APBA1: variants seen among roughly 807,000 people sequenced by gnomAD.
APBA1 encodes the protein amyloid-beta A4 precursor protein-binding family A member 1.
In APBA1, 55 loss-of-function variants were observed where a neutral mutation model predicts 86.6. That is an observed-to-expected ratio of 0.64 (90% CI 0.51 to 0.80). APBA1 has a LOEUF of 0.80. Ranked by LOEUF, APBA1 falls within the 30% of genes least tolerant of loss-of-function variation. The pLI is 0.00. For synonymous variants in APBA1, 511 were observed against 493.9 expected (o/e 1.03, Z -0.46); for missense variants, 1,090 against 1,183.0 (o/e 0.92, Z 1.15).
chr9:69,476,188 G>A lies in APBA1; in HGVS notation c.1201-45C>T, dbSNP rs2777862. The A allele has an allele frequency of 1.6e-5, 23 of 1,435,458 alleles. 1 individual carries two copies. The highest frequency in any genetic ancestry group is 7.1e-5 in the African/African-American group (5 of 70,836). 88.9% of individuals were successfully genotyped at this position (1,435,458 alleles called of 1,614,324 possible). A position where few individuals can be genotyped will look rare whatever the true frequency, so the allele number is the denominator to read the frequency against. Reference sequence around the variant, plus strand: ...AACACAGTGAGAACTTGAGAGACTCGGCAGACACTTGGCTGGGGGAAAGGG... The same window carrying A: ...AACACAGTGAGAACTTGAGAGACTCAGCAGACACTTGGCTGGGGGAAAGGG... On this transcript the variant is annotated intron_variant, in intron 2 of 12. Transcript: ENST00000265381.
Position 69,586,812 on chromosome 9 carries a change from C to T in APBA1, c.-69-69533G>A, listed in dbSNP as rs138725080. On this transcript the variant is annotated intron_variant, in intron 1 of 12. Coordinates refer to ENST00000265381, the MANE Select transcript of APBA1 (RefSeq NM_001163.4). Reference sequence around the variant, plus strand: ...TAAGGGAAGACCTGGCTGCCCATTACAACTAACAACCCCAAATAAGTACTT... The same window carrying T: ...TAAGGGAAGACCTGGCTGCCCATTATAACTAACAACCCCAAATAAGTACTT... Among the ~76,000 whole-genome samples, 41 of 152,294 alleles carry T rather than the reference C, an allele frequency of 2.7e-4. No homozygotes were observed. The East Asian group carries it at 6.9e-3, about 26-fold the overall frequency.
Position 69,431,061 on chromosome 9 carries a change from G to A in APBA1, c.*266C>T, listed in dbSNP as rs760556742. The A allele has an allele frequency of 1.0e-4, 38 of 363,348 alleles. No homozygotes were observed. Among genetic ancestry groups the A allele is most frequent in the Middle Eastern group, 7.0e-4 (1 of 1,436 alleles). The allele number at this position is 363,348 out of a possible 1,614,324, so 22.5% of individuals were successfully genotyped here. A position where few individuals can be genotyped will look rare whatever the true frequency, so the allele number is the denominator to read the frequency against. On this transcript the variant is annotated 3_prime_UTR_variant, in exon 13 of 13. Transcript: ENST00000265381. ...CTGGACACACCCAGAAAGCCCTCCA[G>A]GATGGTCCTGGGTCAGTACCAGGTG...
intron 11 of APBA1, among the ~76,000 whole-genome samples, chr9:69,439,733 C>G (rs530973526): frequency 1.3e-5 from 2 of 152,186 alleles, no homozygotes; most frequent in South Asian, 4.1e-4. Flanking sequence ...TTTGAACTTC[C>G]TCCTTTAGCT....
intron 1 of APBA1, among the ~76,000 whole-genome samples, chr9:69,527,562 G>A (rs1039548699): frequency 1.3e-5 from 2 of 152,100 alleles, no homozygotes; most frequent in Non-Finnish European, 2.9e-5. Context: ...GTCACTTAGA[G>A]CTGAAAGGGG....
chr9:69,475,785 C>T (rs963215295), intron 3 of APBA1, among the ~76,000 whole-genome samples: 12 of 152,158 alleles, frequency 7.9e-5, no homozygotes, highest in East Asian at 1.9e-4. Context: ...CCACCCTGTC[C>T]GAGCACTTGA....
At chr9:69,464,199 TAAAC>T (rs1456604264) in intron 5 of APBA1, 1 of 152,216 alleles carries the variant, frequency 6.6e-6, no homozygotes, top group Non-Finnish European at 1.5e-5. Context: ...AGTGCTGACT[TAAAC>T]AGGCATCTCC....
intron 1 of APBA1, among the ~76,000 whole-genome samples, chr9:69,640,738 C>T (rs1395023273): frequency 3.3e-5 from 5 of 152,074 alleles, no homozygotes; most frequent in Admixed American, 3.3e-4. Flanking sequence ...ACTCAACTCC[C>T]ATTCATAATA....
intron 1 of APBA1, among the ~76,000 whole-genome samples, chr9:69,635,978 A>G (rs1054172642): frequency 1.3e-5 from 2 of 152,234 alleles, no homozygotes; most frequent in African/African-American, 2.4e-5. Flanking sequence ...GAGACAAGCC[A>G]CAGAATGAGG....
chr9:69,604,884 A>G (rs550621021), intron 1 of APBA1, among the ~76,000 whole-genome samples: 103 of 151,834 alleles, frequency 6.8e-4, no homozygotes, highest in African/African-American at 2.4e-3. Flanking sequence ...ATGTACGCAC[A>G]TGAGGGTAAG....
At chr9:69,490,896 C>T (rs148319384) in intron 2 of APBA1, among the ~76,000 whole-genome samples, 6,816 of 152,100 alleles carry the variant, frequency 0.045, 547 homozygotes, top group African/African-American at 0.15. Context: ...AACTCAAAAC[C>T]ACAATGAGCT....
rs1412650146 is a variant in APBA1, at chr9:69,517,019, G to T, written c.192C>A (p.Leu64=). ...CCCCGCGCTCCTCTTCCTCCTGGCCGAGCTGGGCGCGGAGGTCCTCGAGGG... is the reference window on the plus strand; with the variant it reads ...CCCCGCGCTCCTCTTCCTCCTGGCCTAGCTGGGCGCGGAGGTCCTCGAGGG... ...GRALEDLRAQ[L]GQEEEERGEC... Residue 64 remains leucine (L), a synonymous_variant, in exon 2 of 13, where the codon CTC becomes CTA. Coordinates refer to ENST00000265381, the MANE Select transcript of APBA1 (RefSeq NM_001163.4). 2 of 1,578,328 alleles carry T rather than the reference G, an allele frequency of 1.3e-6. No homozygotes were observed. The highest frequency in any genetic ancestry group is 1.1e-5 in the South Asian group (1 of 87,760).
At chr9:69,484,609 G>A (rs778674786) in intron 2 of APBA1, among the ~76,000 whole-genome samples, 6 of 152,056 alleles carry the variant, frequency 3.9e-5, no homozygotes, top group East Asian at 1.9e-4. Flanking sequence ...TGAAGCTTCC[G>A]CAGACCCTAT....
At chr9:69,557,088 A>C (rs1836874708) in intron 1 of APBA1, among the ~76,000 whole-genome samples, 1 of 152,230 alleles carries the variant, frequency 6.6e-6, no homozygotes, top group Non-Finnish European at 1.5e-5. Context: ...GAGGCTATAC[A>C]CCAAATCTAG....
chr9:69,629,657 G>C (rs377238426), intron 1 of APBA1, among the ~76,000 whole-genome samples: 5 of 152,310 alleles, frequency 3.3e-5, no homozygotes, highest in South Asian at 4.1e-4. Flanking sequence ...GAGTTCAGTC[G>C]AGTTAGGGGA....
At chr9:69,659,364 T>C (rs1823705779) in intron 1 of APBA1, among the ~76,000 whole-genome samples, 1 of 152,168 alleles carries the variant, frequency 6.6e-6, no homozygotes, top group Non-Finnish European at 1.5e-5. Flanking sequence ...ACTGTACAGA[T>C]ATCATAATAA....
At chr9:69,496,827 A>T (rs983414023) in intron 2 of APBA1, among the ~76,000 whole-genome samples, 1 of 152,110 alleles carries the variant, frequency 6.6e-6, no homozygotes, top group African/African-American at 2.4e-5. Flanking sequence ...TCCCTAGCCC[A>T]TGGTGCAGCC....
chr9:69,599,826 C>A lies in APBA1; in HGVS notation c.-70+72327G>T, dbSNP rs779328704. On this transcript the variant is annotated intron_variant, in intron 1 of 12. Coordinates refer to ENST00000265381, the MANE Select transcript of APBA1 (RefSeq NM_001163.4). Reference sequence around the variant, plus strand: ...CACTACTCTAAGGAGTCTATGGCTGCCAAATGTTAAGAACCAGCACATTCG... The same window carrying A: ...CACTACTCTAAGGAGTCTATGGCTGACAAATGTTAAGAACCAGCACATTCG... Among the ~76,000 whole-genome samples, 87 of 152,134 alleles carry A rather than the reference C, an allele frequency of 5.7e-4. 2 individuals are homozygous for A. The highest frequency in any genetic ancestry group is 2.1e-3 in the East Asian group (11 of 5,196).
At chr9:69,498,981 G>T (rs1835841457) in intron 2 of APBA1, among the ~76,000 whole-genome samples, 1 of 152,136 alleles carries the variant, frequency 6.6e-6, no homozygotes, top group Non-Finnish European at 1.5e-5. Flanking sequence ...TCTGAGGTCT[G>T]CCTGGAAAAC....
At chr9:69,648,051 G>A (rs1221695930) in intron 1 of APBA1, among the ~76,000 whole-genome samples, 2 of 152,212 alleles carry the variant, frequency 1.3e-5, no homozygotes, top group Non-Finnish European at 2.9e-5. Context: ...ATCAGAACTG[G>A]AAGGTACCTC....
Sources: gnomAD v4.1 joint callset for allele counts (sites outside exome capture counted in the v4.1 genomes callset) on GRCh38, gnomAD v4.1.1 for gene constraint, MANE v1.5 for transcripts, NCBI Gene and HGNC (gene_info 2026-07-23, HGNC 2026-07-21) for gene names.